EIF4E3: variants seen among roughly 807,000 people sequenced by gnomAD.
EIF4E3 encodes eukaryotic translation initiation factor 4E family member 3, also known as eukaryotic translation initiation factor 4E type 3.
Under a neutral mutation model 31.7 loss-of-function variants are expected in EIF4E3, and 26 were observed. The observed-to-expected ratio is 0.82, with a 90% CI of 0.60 to 1.14. The LOEUF is 1.14. Ranked by LOEUF, EIF4E3 falls within the 50% of genes most tolerant of loss-of-function variation. The pLI is 0.00. For synonymous variants in EIF4E3, 128 were observed against 107.7 expected, an observed-to-expected ratio of 1.19 and a Z score of -1.17; for missense variants, 304 against 270.9, an observed-to-expected ratio of 1.12 and a Z score of -0.86.
In EIF4E3 at chr3:71,725,286, GGGCGGCGGCAGC is replaced by G. The variant is rs1553666783; in HGVS notation, c.70_81del (p.Ala24_Ala27del). ...TGCTGCAGGCCGAGCGGCGGCTCGGGGGCGGCGGCAGCGGCGGCGGCGCGGGACCCCGGCGGC... is the reference window on the plus strand; with the variant it reads ...TGCTGCAGGCCGAGCGGCGGCTCGGGGGCGGCGGCGCGGGACCCCGGCGGC... On this transcript the variant is annotated inframe_deletion, in exon 1 of 7. Coordinates refer to ENST00000425534, the MANE Select transcript of EIF4E3 (RefSeq NM_001134651.2). The surrounding 1 kb of genome is among the most constrained non-coding windows in gnomAD (Gnocchi z 6.1). 4.9e-6 allele frequency: 5 copies of G among 1,012,200 alleles called. No individual in the cohort carries two copies. Among genetic ancestry groups the G allele is most frequent in the South Asian group, 4.5e-5 (1 of 22,410 alleles). 62.7% of individuals were successfully genotyped at this position (1,012,200 alleles called of 1,614,324 possible). A position where few individuals can be genotyped will look rare whatever the true frequency, so the allele number is the denominator to read the frequency against.
At chr3:71,689,585 T>C (rs2049035371) in intron 6 of EIF4E3, among the ~76,000 whole-genome samples, 1 of 152,216 alleles carries the variant, frequency 6.6e-6, no homozygotes, top group Non-Finnish European at 1.5e-5. Context: ...GTGCTCAGAA[T>C]GCATTTCTTC....
chr3:71,696,137 C>T (rs2049132632), intron 4 of EIF4E3, among the ~76,000 whole-genome samples: 1 of 152,204 alleles, frequency 6.6e-6, no homozygotes, highest in African/African-American at 2.4e-5. Context: ...AAACCATATG[C>T]AACATGTTGG....
At chr3:71,724,392 T>A (rs940129527) in intron 1 of EIF4E3, among the ~76,000 whole-genome samples, 2 of 152,094 alleles carry the variant, frequency 1.3e-5, no homozygotes, top group Non-Finnish European at 2.9e-5. Flanking sequence ...AATTCATATA[T>A]AATAAAATCC....
upstream of EIF4E3, chr3:71,754,361 C>G (rs1240078958): frequency 7.5e-7 from 1 of 1,325,726 alleles, no homozygotes; most frequent in East Asian, 3.5e-5. This position sits in a 1 kb window ranked among gnomAD's most constrained non-coding sequence, Gnocchi z 5.8. Flanking sequence ...TGGCCGCGCT[C>G]TTCTGCTTCC....
chr3:71,744,026 C>T (rs2049847124), intron 1 of EIF4E3, among the ~76,000 whole-genome samples: 1 of 151,976 alleles, frequency 6.6e-6, no homozygotes, highest in African/African-American at 2.4e-5. Flanking sequence ...ATTTTCACAA[C>T]CATGGTTTAG....
At chr3:71,664,408 G>T in the EIF4E3 span, among the ~76,000 whole-genome samples, 3 of 151,848 alleles carry the variant, frequency 2.0e-5, no homozygotes, top group African/African-American at 2.4e-5. Context: ...GGTGGGGGGT[G>T]GGGGGAGAAT....
intron 1 of EIF4E3, among the ~76,000 whole-genome samples, chr3:71,732,278 C>T: frequency 6.6e-6 from 1 of 152,170 alleles, no homozygotes; most frequent in Non-Finnish European, 1.5e-5. Flanking sequence ...AGGCCAAGTT[C>T]CCTCACAGGG....
intron 2 of EIF4E3, among the ~76,000 whole-genome samples, chr3:71,707,871 C>CTT (rs35421624): frequency 0.092 from 12,316 of 133,170 alleles, 1,390 homozygotes; most frequent in African/African-American, 0.26. Context: ...CTAATTCATT[C>CTT]TTTTTTTTTT....
intron 1 of EIF4E3, among the ~76,000 whole-genome samples, chr3:71,732,962 T>G (rs2049722339): frequency 6.6e-6 from 1 of 152,168 alleles, no homozygotes; most frequent in African/African-American, 2.4e-5. Context: ...AGGCTCTACA[T>G]AAAAGTCAAA....
the EIF4E3 span, among the ~76,000 whole-genome samples, chr3:71,664,721 A>G: frequency 2.0e-5 from 3 of 152,120 alleles, no homozygotes; most frequent in South Asian, 4.2e-4. Flanking sequence ...TAAAAATACA[A>G]AAAAGTAGCT....
rs1479800744 is a variant in EIF4E3, at chr3:71,690,991, G to A, written c.473-826C>T. On this transcript the variant is annotated intron_variant, in intron 5 of 6. Transcript: ENST00000425534. ...GGCTGTCTTGCACATAGTTGAGAAC[G>A]GCGGATGGATAGTAAGGTGTTATAC... is the stretch of plus-strand genomic sequence containing the variant. 2.6e-5 allele frequency among the ~76,000 whole-genome samples: 4 copies of A among 152,128 alleles called. No individual in the cohort carries two copies. The South Asian group carries it at 6.2e-4, about 24-fold the overall frequency.
At position 71,683,976 on chromosome 3, in the gene EIF4E3, G is replaced by A. The variant is rs1378926868; in HGVS notation, c.*706C>T. On this transcript the variant is annotated 3_prime_UTR_variant, in exon 7 of 7. Coordinates refer to ENST00000425534, the MANE Select transcript of EIF4E3 (RefSeq NM_001134651.2). ...TTTCCACAGAGGGTCCAAAGACTTA[G>A]AGCTTGATTTATATCCTGATACTGA... is the stretch of plus-strand genomic sequence containing the variant. The A allele has an allele frequency of 6.6e-6, 1 of 152,118 alleles. No homozygotes were observed. Among genetic ancestry groups the A allele is most frequent in the Non-Finnish European group, 1.5e-5 (1 of 68,018 alleles). The allele number at this position is 152,118 out of a possible 1,614,324, so 9.4% of individuals were successfully genotyped here.
chr3:71,700,808 A>G (rs2049205697), intron 2 of EIF4E3, among the ~76,000 whole-genome samples: 1 of 152,128 alleles, frequency 6.6e-6, no homozygotes, highest in South Asian at 2.1e-4. Flanking sequence ...GCTGCGCAAG[A>G]TACACAGTGT....
intron 3 of EIF4E3, among the ~76,000 whole-genome samples, 195 bp from the exon 4 acceptor site, chr3:71,696,715 C>A (rs928018696): frequency 6.9e-6 from 1 of 145,812 alleles, no homozygotes; most frequent in Non-Finnish European, 1.5e-5. Context: ...TGGGGTATAT[C>A]TGAATTTTTT....
downstream of EIF4E3, among the ~76,000 whole-genome samples, chr3:71,671,754 C>G (rs527300365): frequency 6.6e-6 from 1 of 152,202 alleles, no homozygotes; most frequent in South Asian, 2.1e-4. Context: ...TTAAAGGAAA[C>G]ACTCATCAGG....
rs552009936 is a variant in EIF4E3 at position 71,675,660 on chromosome 3, C to T, written c.*9022G>A. On this transcript the variant is annotated 3_prime_UTR_variant, in exon 7 of 7. Coordinates refer to ENST00000425534, the MANE Select transcript of EIF4E3 (RefSeq NM_001134651.2). ...CACCAACTACTTGTGTGACCTTGAACGAATTCTTTATACTTTCTGGGTCAT... is the reference window on the plus strand; with the variant it reads ...CACCAACTACTTGTGTGACCTTGAATGAATTCTTTATACTTTCTGGGTCAT... The T allele has an allele frequency of 3.9e-5, 6 of 152,188 alleles. No individual in the cohort carries two copies. Among genetic ancestry groups the T allele is most frequent in the East Asian group, 3.8e-4 (2 of 5,204 alleles). 9.4% of individuals were successfully genotyped at this position (152,188 alleles called of 1,614,324 possible).
chr3:71,726,049 G>C (rs1430031583), upstream of EIF4E3, among the ~76,000 whole-genome samples: 1 of 152,154 alleles, frequency 6.6e-6, no homozygotes, highest in Non-Finnish European at 1.5e-5. Context: ...GAGAACCACC[G>C]ACTGGGGCAT....
intron 1 of EIF4E3, among the ~76,000 whole-genome samples, chr3:71,739,676 G>A (rs1276056318): frequency 6.6e-6 from 1 of 151,996 alleles, no homozygotes; most frequent in Non-Finnish European, 1.5e-5. Flanking sequence ...TAGCCTGGGT[G>A]ACAGAGTGAG....
intron 1 of EIF4E3, among the ~76,000 whole-genome samples, chr3:71,724,650 T>A (rs547573423): frequency 6.6e-6 from 1 of 152,098 alleles, no homozygotes; most frequent in Non-Finnish European, 1.5e-5. Flanking sequence ...GCCCAGTGGA[T>A]GAGGAAGAAC....
Sources: gnomAD v4.1 joint callset for allele counts (sites outside exome capture counted in the v4.1 genomes callset) on GRCh38, gnomAD v4.1.1 for gene constraint, Gnocchi (gnomAD v3.1) non-coding constraint, MANE v1.5 for transcripts, NCBI Gene and HGNC (gene_info 2026-07-23, HGNC 2026-07-21) for gene names.